The following GALK2 variants were observed in gnomAD, a reference collection of about 807,000 sequenced individuals.
GALK2 encodes the protein galactokinase 2.
Under a neutral mutation model 52.4 loss-of-function variants are expected in GALK2, and 36 were observed. The observed-to-expected ratio is 0.69, with a 90% confidence interval of 0.53 to 0.91. The LOEUF is 0.91. Among genes scored for constraint, GALK2 ranks in the 40% least tolerant of loss-of-function variants. The pLI is 0.00. For synonymous variants in GALK2, 176 were observed against 199.1 expected (o/e 0.88, Z 0.98); for missense variants, 579 against 559.1 (o/e 1.04, Z -0.36).
chr15:49,228,502 T>G (rs2141439664), intron 3 of GALK2, among the ~76,000 whole-genome samples: 1 of 150,478 alleles, frequency 6.6e-6, no homozygotes, highest in South Asian at 2.1e-4. Flanking sequence ...TGATCTAGTT[T>G]ATTGTTGAGG....
intron 3 of GALK2, among the ~76,000 whole-genome samples, chr15:49,226,399 G>A (rs2090139047): frequency 6.6e-6 from 1 of 152,104 alleles, no homozygotes; most frequent in African/African-American, 2.4e-5. Context: ...CAGTGTCAGT[G>A]TTGCTTCTCT....
intron 1 of GALK2, chr15:49,178,582 G>A: frequency 4.3e-6 from 1 of 233,710 alleles, no homozygotes; most frequent in Non-Finnish European, 8.8e-6. Context: ...GCTTGGCCTT[G>A]TAGCCCTGTC....
chr15:49,278,418 A>G (rs1470626035), intron 5 of GALK2, among the ~76,000 whole-genome samples: 1 of 152,224 alleles, frequency 6.6e-6, no homozygotes, highest in East Asian at 1.9e-4. Context: ...TGTATTCTAT[A>G]GTAATTATAA....
At chr15:49,250,042 G>A (rs185805387) in intron 5 of GALK2, among the ~76,000 whole-genome samples, 3 of 152,294 alleles carry the variant, frequency 2.0e-5, no homozygotes, top group Admixed American at 1.3e-4. Flanking sequence ...TAGGGTGGAC[G>A]CGTCAGGTTA....
chr15:49,259,983 T>C (rs1463350262), intron 5 of GALK2, among the ~76,000 whole-genome samples: 2 of 151,400 alleles, frequency 1.3e-5, no homozygotes, highest in East Asian at 3.9e-4. Context: ...TCTATCATTG[T>C]TGGACATTTG....
chr15:49,289,126 T>C (rs1169351653), intron 7 of GALK2, among the ~76,000 whole-genome samples: 1 of 152,196 alleles, frequency 6.6e-6, no homozygotes, highest in Non-Finnish European at 1.5e-5. Flanking sequence ...ATAAATGTAG[T>C]TTTAATTTAA....
intron 1 of GALK2, among the ~76,000 whole-genome samples, chr15:49,192,504 T>TATATATATATAC (rs2086835455): frequency 7.3e-6 from 1 of 136,168 alleles, no homozygotes; most frequent in Non-Finnish European, 1.6e-5. Context: ...TATATATATA[T>TATATATATATAC]ATATATATAT....
At chr15:49,327,703 G>T (rs2037769076) in intron 9 of GALK2, 2 of 329,286 alleles carry the variant, frequency 6.1e-6, no homozygotes, top group Non-Finnish European at 1.1e-5. Context: ...GTCATGAAAT[G>T]GGAGGAGTAC....
chr15:49,241,023 G>T (rs2091066723), intron 5 of GALK2, among the ~76,000 whole-genome samples: 1 of 152,148 alleles, frequency 6.6e-6, no homozygotes. Context: ...CTTGGTCATT[G>T]ATTGGGCATG....
intron 5 of GALK2, among the ~76,000 whole-genome samples, chr15:49,264,339 C>T (rs2092269511): frequency 6.6e-6 from 1 of 152,168 alleles, no homozygotes; most frequent in Non-Finnish European, 1.5e-5. Flanking sequence ...ATCACTGATA[C>T]CCTTTCTTCC....
rs763636823 is a variant in GALK2 at position 49,328,528 on chromosome 15, G to A, written c.*369G>A. 59 of 1,604,540 alleles carry A rather than the reference G, an allele frequency of 3.7e-5. No individual in the cohort carries two copies. Among genetic ancestry groups the A allele is most frequent in the Admixed American group, 8.4e-5 (5 of 59,266 alleles). On this transcript the variant is annotated 3_prime_UTR_variant, in exon 10 of 10. Transcript: ENST00000560031. ...ACAATTAAACTGATACCACTGAATTGTATGCATTATTCTTGAATAGAGTTC... is the reference window on the plus strand; with the variant it reads ...ACAATTAAACTGATACCACTGAATTATATGCATTATTCTTGAATAGAGTTC...
At chr15:49,367,557 C>A in exon 4 of GALK2, 1 of 1,604,536 alleles carries the variant, frequency 6.2e-7, no homozygotes, top group Non-Finnish European at 8.5e-7. Flanking sequence ...CTCTGACCTC[C>A]AAAATTGAAG....
At chr15:49,320,074 C>T (rs1342071092) in intron 9 of GALK2, among the ~76,000 whole-genome samples, 1 of 152,158 alleles carries the variant, frequency 6.6e-6, no homozygotes, top group African/African-American at 2.4e-5. Context: ...ACCTTTCCGT[C>T]TTTGGATGAT....
In GALK2 at chr15:49,184,894, A is replaced by G. The variant is rs143379853; in HGVS notation, c.53+14519A>G. Among the ~76,000 whole-genome samples the G allele has an allele frequency of 2.3e-3, 347 of 152,320 alleles. 2 individuals are homozygous for G. The highest frequency in any genetic ancestry group is 3.8e-3 in the Non-Finnish European group (258 of 68,012). ...TCTACTCAAGATATAAGTAGTATAC[A>G]TGCCACAATTATAGTGTTACAATGT... is the stretch of plus-strand genomic sequence containing the variant. On this transcript the variant is annotated intron_variant, in intron 1 of 9. Transcript: ENST00000560031.
intron 5 of GALK2, among the ~76,000 whole-genome samples, chr15:49,266,503 C>T (rs746181113): frequency 2.6e-5 from 4 of 152,162 alleles, no homozygotes; most frequent in Non-Finnish European, 1.5e-5. Context: ...CTCTGTTTTG[C>T]TTGTCTGTTT....
intron 2 of GALK2, among the ~76,000 whole-genome samples, chr15:49,210,690 C>T (rs902684097): frequency 6.6e-6 from 1 of 152,096 alleles, no homozygotes; most frequent in African/African-American, 2.4e-5. Flanking sequence ...ATCCACCCGC[C>T]TCGGCCTCCC....
chr15:49,191,647 A>T lies in GALK2; in HGVS notation c.54-9515A>T, dbSNP rs1172309073. 3.3e-5 allele frequency among the ~76,000 whole-genome samples: 5 copies of T among 152,202 alleles called. No homozygotes were observed. The East Asian group carries it at 9.6e-4, about 29-fold the overall frequency. ...TATATGTCCCATCACCAATTCTGTT[A>T]ACCTAAATCACTTAAGGAGGTGTCT... On this transcript the variant is annotated intron_variant, in intron 1 of 9. Transcript: ENST00000560031.
At chr15:49,350,238 TA>T (rs1195723643) in intron 3 of GALK2, among the ~76,000 whole-genome samples, 1 of 152,214 alleles carries the variant, frequency 6.6e-6, no homozygotes, top group Non-Finnish European at 1.5e-5. Flanking sequence ...AATGAGCACT[TA>T]AAATGTGGCG....
chr15:49,274,330 G>T (rs1037165683), intron 5 of GALK2, among the ~76,000 whole-genome samples: 9 of 152,190 alleles, frequency 5.9e-5, no homozygotes, highest in African/African-American at 2.2e-4. Flanking sequence ...ACTATAGGCA[G>T]TTGTAACACA....
Sources: gnomAD v4.1 joint callset for allele counts (sites outside exome capture counted in the v4.1 genomes callset) on GRCh38, gnomAD v4.1.1 for gene constraint, MANE v1.5 for transcripts, NCBI Gene and HGNC (gene_info 2026-07-23, HGNC 2026-07-21) for gene names.